FGF13: variants seen among roughly 807,000 people sequenced by gnomAD.
The protein encoded by FGF13 is fibroblast growth factor 13.
In FGF13, 2 loss-of-function variants were observed where a neutral mutation model predicts 19.5. The ratio of observed to expected loss-of-function variants is 0.10; its 90% confidence interval spans 0.04 to 0.32. The LOEUF is 0.32. Among genes scored for constraint, FGF13 ranks in the 10% least tolerant of loss-of-function variants. FGF13 has a pLI of 1.00. For synonymous variants in FGF13, 72 were observed against 76.9 expected (o/e 0.94, Z 0.33); for missense variants, 113 against 192.7 (o/e 0.59, Z 2.45).
intron 1 of FGF13, among the ~76,000 whole-genome samples, chrX:138,924,197 G>C (rs1007673894): frequency 1.8e-5 from 2 of 111,896 alleles, no homozygotes; most frequent in Non-Finnish European, 1.9e-5. Flanking sequence ...GATGTCCAAG[G>C]GGGTATGTTC....
intron 3 of FGF13, among the ~76,000 whole-genome samples, chrX:138,835,717 A>G (rs1248443088): frequency 9.0e-6 from 1 of 111,701 alleles, no homozygotes; most frequent in African/African-American, 3.3e-5. Context: ...AGACTTGTTT[A>G]TGTGGTGCTG....
chrX:138,915,248 A>G (rs1025138212), intron 1 of FGF13, among the ~76,000 whole-genome samples: 11 of 111,475 alleles, frequency 9.9e-5, no homozygotes, highest in Non-Finnish European at 1.7e-4. Context: ...TGCTCTGGAA[A>G]TCACCTCCCA....
chrX:138,768,719 GTATATATTATATATATATGAT>G (rs2090521833), intron 3 of FGF13, among the ~76,000 whole-genome samples: 3 of 94,198 alleles, frequency 3.2e-5, no homozygotes, highest in Non-Finnish European at 6.0e-5. Flanking sequence ...ATATATATAA[GTATATATTATATATATATGAT>G]ATATATATAT....
chrX:138,965,079 G>C (rs1414493026), intron 1 of FGF13, among the ~76,000 whole-genome samples: 1 of 111,942 alleles, frequency 8.9e-6, no homozygotes, highest in Non-Finnish European at 1.9e-5. Context: ...TGAATTCCCA[G>C]GGCAGGTTAA....
At position 139,099,377 on chromosome X, in the gene FGF13, CAAAAAAAAAAA is replaced by C. The variant is rs59882808; in HGVS notation, c.-113+104028_-113+104038del. ...AATAGTGGTGAAGAGGTTTCTATCT[CAAAAAAAAAAA>C]AAAAAAAAAAGAAAGAAAAGGAAAG... On this transcript the variant is annotated intron_variant, in intron 1 of 2. Transcript: ENST00000421460. 2.7e-4 allele frequency among the ~76,000 whole-genome samples: 9 copies of C among 32,964 alleles called. 1 individual carries two copies. Among genetic ancestry groups the C allele is most frequent in the Non-Finnish European group, 4.6e-4 (8 of 17,524 alleles). 28.6% of individuals were successfully genotyped at this position (32,964 alleles called of 115,157 possible). A position where few individuals can be genotyped will look rare whatever the true frequency, so the allele number is the denominator to read the frequency against.
chrX:138,918,560 G>A (rs1441254439), intron 1 of FGF13, among the ~76,000 whole-genome samples: 5 of 111,399 alleles, frequency 4.5e-5, no homozygotes, highest in African/African-American at 1.3e-4. Flanking sequence ...CCCCACATTT[G>A]ATAAAGGGTC....
rs188174384 is a variant in FGF13, at chrX:139,068,308, T to C, written c.-113+135108A>G. Among the ~76,000 whole-genome samples the C allele has an allele frequency of 2.8e-4, 29 of 102,441 alleles. No individual in the cohort carries two copies. In the East Asian group the frequency reaches 6.3e-3, roughly 22 times the overall value. 89.0% of individuals were successfully genotyped at this position (102,441 alleles called of 115,157 possible). On this transcript the variant is annotated intron_variant, in intron 1 of 2. Transcript: ENST00000421460. Reference sequence around the variant, plus strand: ...ATCAGATAGTTGTAGATATGCTGCGTTATTTCTGAGGGCTCTGTTCTGTTC... The same window carrying C: ...ATCAGATAGTTGTAGATATGCTGCGCTATTTCTGAGGGCTCTGTTCTGTTC...
At chrX:138,742,647 A>G (rs2090327643), upstream of FGF13, among the ~76,000 whole-genome samples, 1 of 111,955 alleles carries the variant, frequency 8.9e-6, no homozygotes, top group Admixed American at 9.5e-5. Flanking sequence ...CCAAGGAGTT[A>G]CAGATCTCCA....
intron 3 of FGF13, among the ~76,000 whole-genome samples, chrX:138,844,717 A>G (rs1200512975): frequency 9.0e-6 from 1 of 110,763 alleles, no homozygotes; most frequent in Non-Finnish European, 1.9e-5. Flanking sequence ...TTTCTTCTCT[A>G]TAACATCTTA....
At chrX:138,669,501 T>G (rs192106224) in intron 3 of FGF13, among the ~76,000 whole-genome samples, 28 of 111,440 alleles carry the variant, frequency 2.5e-4, no homozygotes, top group African/African-American at 9.1e-4. Flanking sequence ...AACCCAGACT[T>G]TTTTCAACAA....
chrX:138,963,451 C>G (rs1003482322), intron 1 of FGF13, among the ~76,000 whole-genome samples: 1 of 112,655 alleles, frequency 8.9e-6, no homozygotes, highest in African/African-American at 3.2e-5. Flanking sequence ...CTCTGACTTT[C>G]TCTTTGACCC....
intron 1 of FGF13, among the ~76,000 whole-genome samples, chrX:139,063,235 A>C (rs2124424189): frequency 9.0e-6 from 1 of 111,561 alleles, no homozygotes; most frequent in South Asian, 3.8e-4. Context: ...TCTTGCTATT[A>C]TAGAGGAGGA....
Position 138,788,224 on chromosome X carries a change from T to C in FGF13, c.217+69288A>G, listed in dbSNP as rs764037291. ...GACATTCCCTTCCAAAATGAAGAAA[T>C]AGGAAAGAAAGAAGGGGTGACCAGT... On this transcript the variant is annotated intron_variant, in intron 3 of 6. Coordinates refer to the FGF13 transcript ENST00000436198. Among the ~76,000 whole-genome samples the C allele has an allele frequency of 2.7e-5, 3 of 111,864 alleles. No homozygotes were observed. In the Admixed American group the frequency reaches 2.8e-4, roughly 11 times the overall value.
At position 139,068,812 on chromosome X, in the gene FGF13, C is replaced by T. The variant is rs369648599; in HGVS notation, c.-113+134604G>A. Among the ~76,000 whole-genome samples, 4 of 111,288 alleles carry T rather than the reference C, an allele frequency of 3.6e-5. No individual in the cohort carries two copies. The East Asian group carries it at 8.4e-4, about 23-fold the overall frequency. On this transcript the variant is annotated intron_variant, in intron 1 of 2. Transcript: ENST00000421460. ...TGTCTGTTGTTGGTGTATAAGAATG[C>T]TTGTGATTTTTGTACATTGATTTTA...
At chrX:139,190,975 C>G (rs1024280929) in intron 1 of FGF13, among the ~76,000 whole-genome samples, 2 of 111,698 alleles carry the variant, frequency 1.8e-5, no homozygotes, top group Admixed American at 9.5e-5. Context: ...AAAAGAAAAA[C>G]TTTTCATAAA....
chrX:138,893,534 G>T (rs1334548987), intron 1 of FGF13, among the ~76,000 whole-genome samples: 3 of 110,938 alleles, frequency 2.7e-5, no homozygotes, highest in African/African-American at 9.8e-5. Flanking sequence ...GACAAGTCAG[G>T]TATGACCACT....
chrX:138,909,148 G>T (rs2091574263), intron 1 of FGF13, among the ~76,000 whole-genome samples: 1 of 111,539 alleles, frequency 9.0e-6, no homozygotes, highest in Admixed American at 9.5e-5. Flanking sequence ...TGTGACTTAG[G>T]GACAGGAAAT....
chrX:138,829,214 C>T (rs1390316208), intron 3 of FGF13, among the ~76,000 whole-genome samples: 1 of 111,579 alleles, frequency 9.0e-6, no homozygotes, highest in Non-Finnish European at 1.9e-5. Context: ...GTTTGTTTGT[C>T]CCCACTAAAT....
chrX:138,888,579 A>G (rs751707177), intron 1 of FGF13, among the ~76,000 whole-genome samples: 1 of 110,116 alleles, frequency 9.1e-6, no homozygotes, highest in East Asian at 2.9e-4. Context: ...TTGGCTTATC[A>G]AGGGTGGCGG....
Sources: allele counts gnomAD v4.1 joint callset (sites outside exome capture counted in the v4.1 genomes callset), GRCh38; gene constraint gnomAD v4.1.1; transcripts MANE v1.5; gene names NCBI Gene and HGNC (gene_info 2026-07-23, HGNC 2026-07-21).